F13A1: variants seen among roughly 807,000 people sequenced by gnomAD.
F13A1 encodes coagulation factor XIII A chain.
A neutral mutation model predicts 80.1 loss-of-function variants in F13A1; 47 were observed. That is an observed-to-expected ratio of 0.59 (90% CI 0.46 to 0.75). The LOEUF (loss-of-function observed/expected upper bound fraction) is 0.75, where lower values mean the gene tolerates loss of function less well. Ranked by LOEUF, F13A1 falls within the 30% of genes least tolerant of loss-of-function variation. The probability of loss-of-function intolerance (pLI) is 0.00; values close to 1 mark genes in which losing one functional copy is unlikely to be tolerated. For synonymous variants in F13A1, 349 were observed against 344.9 expected (o/e 1.01, Z -0.13); for missense variants, 817 against 930.4 (o/e 0.88, Z 1.59).
intron 6 of F13A1, among the ~76,000 whole-genome samples, chr6:6,247,104 T>C (rs1757563606): frequency 1.3e-5 from 2 of 152,222 alleles, no homozygotes; most frequent in African/African-American, 4.8e-5. Context: ...CAAAACTGCC[T>C]TTACATGTTG....
intron 11 of F13A1, among the ~76,000 whole-genome samples, chr6:6,180,846 A>G (rs1220605793): frequency 6.6e-6 from 1 of 152,232 alleles, no homozygotes; most frequent in East Asian, 1.9e-4. Flanking sequence ...AAGAGCAGGG[A>G]GACTGTCTAA....
chr6:6,232,275 G>A (rs949248916), intron 6 of F13A1, among the ~76,000 whole-genome samples: 1 of 152,118 alleles, frequency 6.6e-6, no homozygotes, highest in Admixed American at 6.5e-5. Flanking sequence ...CATGCAAATG[G>A]ACACCAAAAG....
intron 3 of F13A1, among the ~76,000 whole-genome samples, chr6:6,287,196 C>T (rs1264271785): frequency 6.6e-6 from 1 of 152,212 alleles, no homozygotes; most frequent in Non-Finnish European, 1.5e-5. Flanking sequence ...CAAGTTATCG[C>T]AGTGGGCACA....
chr6:6,228,964 A>G (rs762106614), intron 6 of F13A1, among the ~76,000 whole-genome samples: 45 of 152,172 alleles, frequency 3.0e-4, no homozygotes, highest in Non-Finnish European at 4.4e-4. Flanking sequence ...CTTAAGGGAA[A>G]GAGCAGACCC....
intron 10 of F13A1, among the ~76,000 whole-genome samples, chr6:6,183,343 C>A (rs1336347270): frequency 1.3e-5 from 2 of 152,136 alleles, no homozygotes; most frequent in African/African-American, 2.4e-5. Context: ...AGAGTAAATG[C>A]TCAGTAAATG....
intron 3 of F13A1, among the ~76,000 whole-genome samples, chr6:6,293,562 T>A (rs1284004266): frequency 6.6e-6 from 1 of 151,868 alleles, no homozygotes; most frequent in Non-Finnish European, 1.5e-5. Flanking sequence ...CAGCAACTCA[T>A]GAACGCAGTT....
rs147988248 is a variant in F13A1 at position 6,151,686 on chromosome 6, G to C, written c.2045+127C>G. ...TACTCCACGCCCTACAGAAATGGTCGGCAAGGAGGAGGCAGCTTCCAAGAC... is the reference window on the plus strand; with the variant it reads ...TACTCCACGCCCTACAGAAATGGTCCGCAAGGAGGAGGCAGCTTCCAAGAC... On this transcript the variant is annotated intron_variant, in intron 14 of 14. Transcript: ENST00000264870. 68 of 1,323,226 alleles carry C rather than the reference G, an allele frequency of 5.1e-5. 1 individual carries two copies. In the African/African-American group the frequency reaches 7.9e-4, roughly 15 times the overall value. The allele number at this position is 1,323,226 out of a possible 1,614,324, so 82.0% of individuals were successfully genotyped here.
At chr6:6,221,698 G>T (rs139596984) in intron 8 of F13A1, among the ~76,000 whole-genome samples, 17 of 152,252 alleles carry the variant, frequency 1.1e-4, no homozygotes, top group Non-Finnish European at 2.4e-4. Context: ...CCCAGAGAAC[G>T]CTTGGCTCCA....
chr6:6,225,318 C>T (rs1173164435), intron 6 of F13A1, among the ~76,000 whole-genome samples: 1 of 152,072 alleles, frequency 6.6e-6, no homozygotes, highest in Non-Finnish European at 1.5e-5. Context: ...TTTTGACTTT[C>T]ATTTTGAGTG....
chr6:6,297,383 CTT>C (rs1449172000), intron 3 of F13A1, among the ~76,000 whole-genome samples: 2 of 150,922 alleles, frequency 1.3e-5, no homozygotes, highest in Admixed American at 6.6e-5. Flanking sequence ...GTCCTGGACT[CTT>C]TTTGGTTGGT....
At chr6:6,222,967 G>C (rs933051432) in intron 7 of F13A1, among the ~76,000 whole-genome samples, 7 of 152,270 alleles carry the variant, frequency 4.6e-5, no homozygotes, top group African/African-American at 1.4e-4. Flanking sequence ...CAGCTGCCAC[G>C]GGCCTCCCGT....
At chr6:6,203,699 C>G (rs1417114506) in intron 8 of F13A1, among the ~76,000 whole-genome samples, 5 of 152,162 alleles carry the variant, frequency 3.3e-5, no homozygotes, top group Non-Finnish European at 1.5e-5. Flanking sequence ...AACTCCTGAC[C>G]CACAGGAATT....
chr6:6,166,395 CT>C (rs1349316147), intron 13 of F13A1, among the ~76,000 whole-genome samples: 1 of 152,226 alleles, frequency 6.6e-6, no homozygotes, highest in African/African-American at 2.4e-5. Context: ...ACTACCTACC[CT>C]CACCCTGCCC....
chr6:6,217,142 C>T (rs369782976), intron 8 of F13A1, among the ~76,000 whole-genome samples: 4 of 148,378 alleles, frequency 2.7e-5, no homozygotes, highest in Non-Finnish European at 6.0e-5. Flanking sequence ...GATCTAGAAC[C>T]AGAAATACCA....
intron 2 of F13A1, among the ~76,000 whole-genome samples, chr6:6,310,340 G>C (rs942350677): frequency 1.1e-4 from 17 of 152,148 alleles, no homozygotes; most frequent in Non-Finnish European, 1.5e-5. Flanking sequence ...TTGGAGATCT[G>C]CATTTTTCAG....
intron 6 of F13A1, among the ~76,000 whole-genome samples, chr6:6,225,603 G>T (rs1490326018): frequency 1.3e-5 from 2 of 151,938 alleles, no homozygotes. Context: ...GAACTCTTAG[G>T]CTCAAGTGAT....
intron 6 of F13A1, among the ~76,000 whole-genome samples, chr6:6,231,189 G>A (rs747849584): frequency 6.6e-6 from 1 of 152,112 alleles, no homozygotes; most frequent in African/African-American, 2.4e-5. Context: ...TACAAGAAGT[G>A]AAGGGAGAAA....
chr6:6,217,545 G>T (rs1310808926), intron 8 of F13A1, among the ~76,000 whole-genome samples: 2 of 117,224 alleles, frequency 1.7e-5, no homozygotes, highest in African/African-American at 3.2e-5. Context: ...GGGGGAGGGG[G>T]GAGGGATAGC....
At chr6:6,190,923 G>C (rs369537142) in intron 10 of F13A1, among the ~76,000 whole-genome samples, 9 of 148,746 alleles carry the variant, frequency 6.1e-5, no homozygotes, top group Middle Eastern at 3.4e-3. Context: ...ATATAATCTC[G>C]TGGTGCGCCG....
Sources: gnomAD v4.1 joint callset for allele counts (sites outside exome capture counted in the v4.1 genomes callset) on GRCh38, gnomAD v4.1.1 for gene constraint, MANE v1.5 for transcripts, NCBI Gene and HGNC (gene_info 2026-07-23, HGNC 2026-07-21) for gene names.